ORC5: variants seen among roughly 807,000 people sequenced by gnomAD.
ORC5 encodes origin recognition complex subunit 5, also known as protein phosphatase 1, regulatory subunit 117.
In ORC5, 39 loss-of-function variants were observed where a neutral mutation model predicts 58.8. That is an observed-to-expected ratio of 0.66 (90% CI 0.51 to 0.87). ORC5 has a LOEUF of 0.87. Ranked by LOEUF, ORC5 falls within the 40% of genes least tolerant of loss-of-function variation. The pLI is 0.00. For synonymous variants in ORC5, 218 were observed against 177.6 expected (o/e 1.23, Z -1.81); for missense variants, 493 against 506.3 (o/e 0.97, Z 0.25).
intron 12 of ORC5, among the ~76,000 whole-genome samples, chr7:104,150,783 T>TA (rs755329710): frequency 2.6e-5 from 4 of 152,138 alleles, no homozygotes; most frequent in African/African-American, 4.8e-5. Flanking sequence ...GTGCAAGAGA[T>TA]ACAAAAATGA....
At chr7:104,139,386 C>A (rs1308174284) in intron 12 of ORC5, among the ~76,000 whole-genome samples, 1 of 152,100 alleles carries the variant, frequency 6.6e-6, no homozygotes, top group Admixed American at 6.5e-5. Context: ...TCTTAAGTAA[C>A]TTTCTCCATA....
At chr7:104,170,226 T>C (rs1799186250) in intron 8 of ORC5, among the ~76,000 whole-genome samples, 1 of 152,198 alleles carries the variant, frequency 6.6e-6, no homozygotes, top group Admixed American at 6.5e-5. Flanking sequence ...CTGTTATTTT[T>C]AAAGTCTAAA....
chr7:104,195,343 C>T (rs1394661295), intron 4 of ORC5, 89 bp from the exon 5 acceptor site: 3 of 637,688 alleles, frequency 4.7e-6, no homozygotes, highest in Admixed American at 3.4e-5. Flanking sequence ...TCAAATACAT[C>T]CCCCCAGAGT....
At position 104,144,629 on chromosome 7, in the gene ORC5, T is replaced by G. The variant is rs184198444; in HGVS notation, c.1150-7736A>C. ...AAAATTAGCCGGTCGTGATGGCATG[T>G]GCCTGTAATCCCAGCTATTCTGGAG... On this transcript the variant is annotated intron_variant, in intron 12 of 13. Transcript: ENST00000297431. Among the ~76,000 whole-genome samples the G allele has an allele frequency of 2.0e-4, 31 of 152,282 alleles. No homozygotes were observed. The East Asian group carries it at 6.0e-3, about 30-fold the overall frequency.
chr7:104,137,106 T>G (rs1798601948), intron 12 of ORC5, among the ~76,000 whole-genome samples: 1 of 149,460 alleles, frequency 6.7e-6, no homozygotes, highest in Non-Finnish European at 1.5e-5. Flanking sequence ...AGTTTTGTTT[T>G]TTTTTTTTTT....
intron 8 of ORC5, among the ~76,000 whole-genome samples, chr7:104,169,428 T>C (rs1009599864): frequency 3.3e-5 from 5 of 152,130 alleles, no homozygotes; most frequent in African/African-American, 1.2e-4. Context: ...ATTGAATTTA[T>C]AAGGCAACAC....
At chr7:104,170,775 C>A (rs368998055) in intron 8 of ORC5, among the ~76,000 whole-genome samples, 8 of 152,264 alleles carry the variant, frequency 5.3e-5, no homozygotes, top group African/African-American at 1.7e-4. Context: ...ATTTCTGGAA[C>A]GTTTTCTTGG....
intron 12 of ORC5, among the ~76,000 whole-genome samples, chr7:104,141,174 A>T (rs776800313): frequency 3.3e-5 from 5 of 152,334 alleles, no homozygotes; most frequent in Non-Finnish European, 5.9e-5. Context: ...ATGATCTGCA[A>T]AATAGTCATA....
At chr7:104,191,539 G>A (rs1799676689) in intron 5 of ORC5, among the ~76,000 whole-genome samples, 1 of 152,008 alleles carries the variant, frequency 6.6e-6, no homozygotes, top group Non-Finnish European at 1.5e-5. Context: ...CAGTTGATTA[G>A]ATGTTATCAC....
At chr7:104,134,603 G>A (rs1300063729) in intron 13 of ORC5, among the ~76,000 whole-genome samples, 1 of 151,992 alleles carries the variant, frequency 6.6e-6, no homozygotes, top group Non-Finnish European at 1.5e-5. Flanking sequence ...GTTGGGGGCA[G>A]TAACAGTCTG....
At chr7:104,185,295 T>C (rs991802946) in intron 6 of ORC5, among the ~76,000 whole-genome samples, 13 of 152,136 alleles carry the variant, frequency 8.5e-5, no homozygotes, top group African/African-American at 2.2e-4. Flanking sequence ...GCCTTTTTTT[T>C]CCCGTTAATC....
intron 11 of ORC5, 38 bp from the exon 12 acceptor site, chr7:104,161,220 A>T (rs772674456): frequency 1.8e-6 from 2 of 1,102,314 alleles, no homozygotes; most frequent in Non-Finnish European, 2.8e-6. Context: ...TTTTCTTCTT[A>T]TACCAGAGCA....
At chr7:104,137,400 G>GGGGCAGGGAAGTGCT (rs1798607889) in intron 12 of ORC5, among the ~76,000 whole-genome samples, 1 of 152,096 alleles carries the variant, frequency 6.6e-6, no homozygotes, top group South Asian at 2.1e-4. Flanking sequence ...ATACAGGAGG[G>GGGGCAGGGAAGTGCT]GGGCAGGGAA....
At chr7:104,141,876 T>A (rs1798679389) in intron 12 of ORC5, among the ~76,000 whole-genome samples, 1 of 152,178 alleles carries the variant, frequency 6.6e-6, no homozygotes, top group Non-Finnish European at 1.5e-5. Flanking sequence ...GAATTATGAT[T>A]TTTAAAATGT....
chr7:104,179,703 G>A (rs947828718), intron 8 of ORC5, among the ~76,000 whole-genome samples: 2 of 151,202 alleles, frequency 1.3e-5, no homozygotes, highest in African/African-American at 4.9e-5. Context: ...TTTCACGTTA[G>A]TAAAGCTGTC....
intron 12 of ORC5, among the ~76,000 whole-genome samples, chr7:104,157,508 T>A (rs1055293473): frequency 2.0e-5 from 3 of 152,000 alleles, no homozygotes; most frequent in Non-Finnish European, 4.4e-5. Flanking sequence ...TTGAAAAAAA[T>A]TTAACTTCAT....
chr7:104,195,044 T>A, intron 5 of ORC5, 99 bp downstream of exon 5: 1 of 619,620 alleles, frequency 1.6e-6, no homozygotes, highest in Non-Finnish European at 2.8e-6. Flanking sequence ...CAAATGGGAA[T>A]AACAAAGTAT....
intron 12 of ORC5, among the ~76,000 whole-genome samples, chr7:104,152,806 C>T (rs1416954886): frequency 6.6e-6 from 1 of 151,970 alleles, no homozygotes; most frequent in Non-Finnish European, 1.5e-5. Flanking sequence ...TAAAATATTG[C>T]CCACAAAAAT....
At chr7:104,182,775 AT>A (rs952278184) in intron 8 of ORC5, among the ~76,000 whole-genome samples, 3 of 152,186 alleles carry the variant, frequency 2.0e-5, no homozygotes, top group Admixed American at 1.3e-4. Context: ...ACAAACTGAG[AT>A]TGTCATATTA....
Sources: gnomAD v4.1 joint callset for allele counts (sites outside exome capture counted in the v4.1 genomes callset) on GRCh38, gnomAD v4.1.1 for gene constraint, MANE v1.5 for transcripts, NCBI Gene and HGNC (gene_info 2026-07-23, HGNC 2026-07-21) for gene names.